The following RPS6KC1 variants were observed in gnomAD, a reference collection of about 807,000 sequenced individuals.
RPS6KC1 encodes the protein inactive ribosomal protein S6 kinase delta-1.
In RPS6KC1, 54 loss-of-function variants were observed where a neutral mutation model predicts 103.8. That is an observed-to-expected ratio of 0.52 (90% confidence interval 0.42 to 0.65). The LOEUF is 0.65. RPS6KC1 is among the 30% of genes least tolerant of loss of function. The pLI, the probability that RPS6KC1 is intolerant of heterozygous loss-of-function variation, is 0.00. For missense variants in RPS6KC1, 1,151 were observed against 1,253.8 expected (o/e 0.92, Z 1.24); for synonymous variants, 439 against 438.7 (o/e 1.00, Z -0.01).
At chr1:213,668,693 A>G in the RPS6KC1 span, among the ~76,000 whole-genome samples, 77 of 152,288 alleles carry the variant, frequency 5.1e-4, no homozygotes, top group East Asian at 0.013. Context: ...TGGAAGTCCT[A>G]GATAGCATCT....
At chr1:213,204,193 A>G (rs1396696157) in intron 8 of RPS6KC1, among the ~76,000 whole-genome samples, 3 of 152,202 alleles carry the variant, frequency 2.0e-5, no homozygotes, top group Admixed American at 6.5e-5. Flanking sequence ...TATGTCTGAT[A>G]TCTGTGTGTA....
At chr1:213,650,288 G>A in the RPS6KC1 span, among the ~76,000 whole-genome samples, 39 of 152,330 alleles carry the variant, frequency 2.6e-4, no homozygotes, top group East Asian at 5.8e-3. Flanking sequence ...TATCAATGAT[G>A]ATTGGGGCCC....
At chr1:213,706,552 A>AATT in the RPS6KC1 span, among the ~76,000 whole-genome samples, 1 of 151,942 alleles carries the variant, frequency 6.6e-6, no homozygotes, top group East Asian at 1.9e-4. Flanking sequence ...CTGATTTTTA[A>AATT]ATTATTATTA....
chr1:213,608,326 T>C, the RPS6KC1 span, among the ~76,000 whole-genome samples: 1 of 152,150 alleles, frequency 6.6e-6, no homozygotes, highest in African/African-American at 2.4e-5. Flanking sequence ...GTTTGGCTCT[T>C]TTAAAAGCAC....
chr1:213,739,575 A>G, the RPS6KC1 span, among the ~76,000 whole-genome samples: 1 of 152,214 alleles, frequency 6.6e-6, no homozygotes, highest in East Asian at 1.9e-4. Context: ...GAATAAGCAG[A>G]GCCTTGATTA....
At chr1:213,110,271 G>C (rs912491670) in intron 4 of RPS6KC1, among the ~76,000 whole-genome samples, 3 of 152,044 alleles carry the variant, frequency 2.0e-5, no homozygotes, top group African/African-American at 7.2e-5. Context: ...CTGTGTCTTT[G>C]TATGTCCTGT....
intron 10 of RPS6KC1, 145 bp from the exon 11 acceptor site, chr1:213,240,557 C>T (rs2094327077): frequency 1.5e-6 from 1 of 675,512 alleles, no homozygotes; most frequent in Non-Finnish European, 2.5e-6. Context: ...ATTAAATATG[C>T]TTATCTTATG....
the RPS6KC1 span, among the ~76,000 whole-genome samples, chr1:213,793,180 T>C: frequency 6.6e-6 from 1 of 152,118 alleles, no homozygotes; most frequent in Non-Finnish European, 1.5e-5. Context: ...ATGCCCAAGG[T>C]AGTAATTTTG....
At chr1:213,608,687 C>G in the RPS6KC1 span, among the ~76,000 whole-genome samples, 2 of 152,088 alleles carry the variant, frequency 1.3e-5, no homozygotes, top group African/African-American at 4.8e-5. Flanking sequence ...ACATAAATCA[C>G]CAGTTACTAC....
the RPS6KC1 span, among the ~76,000 whole-genome samples, chr1:213,448,225 C>CAAAA: frequency 2.6e-5 from 2 of 75,810 alleles, no homozygotes; most frequent in Non-Finnish European, 4.7e-5. Context: ...GTGAGACTGT[C>CAAAA]AAAAAAAAAA....
chr1:213,425,744 A>C, the RPS6KC1 span, among the ~76,000 whole-genome samples: 1 of 152,184 alleles, frequency 6.6e-6, no homozygotes. Flanking sequence ...GGGCTTTGCC[A>C]ACCTTCCCCC....
chr1:213,738,477 A>T, the RPS6KC1 span, among the ~76,000 whole-genome samples: 1 of 152,178 alleles, frequency 6.6e-6, no homozygotes, highest in Non-Finnish European at 1.5e-5. Context: ...TGTCCCATGA[A>T]AAAGGAGGTA....
chr1:213,728,979 G>T, the RPS6KC1 span, among the ~76,000 whole-genome samples: 1 of 109,252 alleles, frequency 9.2e-6, no homozygotes, highest in African/African-American at 3.9e-5. Context: ...AGTGGACGAT[G>T]CTGAGACACA....
chr1:213,188,443 C>T (rs1317320056), intron 8 of RPS6KC1, among the ~76,000 whole-genome samples: 1 of 151,436 alleles, frequency 6.6e-6, no homozygotes, highest in African/African-American at 2.4e-5. Context: ...TCTTACTTCT[C>T]CACGGCCCCA....
At chr1:213,062,317 A>G (rs934966685) in intron 1 of RPS6KC1, among the ~76,000 whole-genome samples, 2 of 152,174 alleles carry the variant, frequency 1.3e-5, no homozygotes, top group Non-Finnish European at 2.9e-5. Context: ...GAAACAAATG[A>G]ATTTTGTGTT....
the RPS6KC1 span, among the ~76,000 whole-genome samples, chr1:213,466,807 T>C: frequency 6.6e-6 from 1 of 152,194 alleles, no homozygotes; most frequent in African/African-American, 2.4e-5. Flanking sequence ...CATAAGAATG[T>C]ATGGGCTGTG....
the RPS6KC1 span, among the ~76,000 whole-genome samples, chr1:213,711,864 C>T: frequency 4.6e-5 from 7 of 152,170 alleles, no homozygotes; most frequent in Non-Finnish European, 1.0e-4. Flanking sequence ...GCAAAGATTG[C>T]TGCCTGCTCC....
the RPS6KC1 span, among the ~76,000 whole-genome samples, chr1:213,340,171 G>A: frequency 3.3e-5 from 5 of 152,106 alleles, no homozygotes. Context: ...GTGAGCCACC[G>A]TGCCTGGCTG....
the RPS6KC1 span, among the ~76,000 whole-genome samples, chr1:213,334,563 A>G: frequency 6.6e-6 from 1 of 152,244 alleles, no homozygotes. Flanking sequence ...CAGAGTGGAA[A>G]GAGAGAAGTC....
Sources: gnomAD v4.1 joint callset for allele counts (sites outside exome capture counted in the v4.1 genomes callset) on GRCh38, gnomAD v4.1.1 for gene constraint, MANE v1.5 for transcripts, NCBI Gene and HGNC (gene_info 2026-07-23, HGNC 2026-07-21) for gene names.